PFKFB3: variants seen among roughly 807,000 people sequenced by gnomAD.
The protein encoded by PFKFB3 is 6-phosphofructo-2-kinase/fructose-2,6-biphosphatase 3.
PFKFB3 carries 33 observed loss-of-function variants against 68.0 expected under a neutral mutation model. The ratio of observed to expected loss-of-function variants is 0.49; its 90% CI spans 0.37 to 0.65. The LOEUF (loss-of-function observed/expected upper bound fraction) is 0.65. PFKFB3 is among the 30% of genes least tolerant of loss of function. The pLI, the probability that PFKFB3 is intolerant of heterozygous loss-of-function variation, is 0.00. For synonymous variants in PFKFB3, 315 were observed against 288.2 expected, an observed-to-expected ratio of 1.09 and a Z score of -0.94; for missense variants, 586 against 712.2, an observed-to-expected ratio of 0.82 and a Z score of 2.02.
In PFKFB3 at chr10:6,229,669, TCTC is replaced by T. The variant is rs1348776431; in HGVS notation, c.1516-3223_1516-3221del. On this transcript the variant is annotated intron_variant, in intron 14 of 14. Coordinates refer to ENST00000379775, the MANE Select transcript of PFKFB3 (RefSeq NM_004566.4). This position sits in a 1 kb window ranked among gnomAD's most constrained non-coding sequence, Gnocchi z 4.3. ...CGTGCAGTGCTTCAGGATCTGGGCT[TCTC>T]CTTGTGTGAAACTTTTTGGACTTGG... 1.3e-5 allele frequency among the ~76,000 whole-genome samples: 2 copies of T among 152,150 alleles called. No individual in the cohort carries two copies. The highest frequency in any genetic ancestry group is 2.9e-5 in the Non-Finnish European group (2 of 68,020).
chr10:6,186,456 T>A (rs1016406941), intron 1 of PFKFB3, among the ~76,000 whole-genome samples: 1 of 152,202 alleles, frequency 6.6e-6, no homozygotes, highest in African/African-American at 2.4e-5. Flanking sequence ...TGGTCGCAGG[T>A]ATACCAGTGA....
In PFKFB3 at chr10:6,228,976, C is replaced by G. The variant is rs1475924917; in HGVS notation, c.1515+2611C>G. The G allele has an allele frequency of 2.4e-6, 1 of 425,330 alleles. No homozygotes were observed. The highest frequency in any genetic ancestry group is 7.1e-5 in the East Asian group (1 of 14,036). The allele number at this position is 425,330 out of a possible 1,614,324, so 26.3% of individuals were successfully genotyped here. ...CACTGCTCTGGGATCCCTTCCCCAC[C>G]AGGAGCAGAGGCCTTCCTGCCACAG... On this transcript the variant is annotated intron_variant, in intron 14 of 14. Transcript: ENST00000379775. The surrounding 1 kb of genome is among the most constrained non-coding windows in gnomAD (Gnocchi z 4.5).
At chr10:6,197,921 T>C (rs945845991), upstream of PFKFB3, 2 of 152,212 alleles carry the variant, frequency 1.3e-5, no homozygotes, top group Admixed American at 1.3e-4. Context: ...TTTCCTTTTC[T>C]TTTACTTTTT....
At chr10:6,278,158 C>T in the PFKFB3 span, among the ~76,000 whole-genome samples, 8 of 151,802 alleles carry the variant, frequency 5.3e-5, no homozygotes, top group East Asian at 5.9e-4. Flanking sequence ...CCTTGTGATC[C>T]GCCTGCCTCG....
At chr10:6,175,743 G>A (rs11257080) in intron 1 of PFKFB3, among the ~76,000 whole-genome samples, 37,719 of 152,116 alleles carry the variant, frequency 0.25, 4,848 homozygotes, top group South Asian at 0.34. Flanking sequence ...CAAATGGCCC[G>A]TAAGCATAGA....
At chr10:6,191,130 G>A (rs1843012542) in intron 1 of PFKFB3, among the ~76,000 whole-genome samples, 1 of 152,088 alleles carries the variant, frequency 6.6e-6, no homozygotes, top group Non-Finnish European at 1.5e-5. Context: ...CATGACATAC[G>A]AAATAACAAA....
chr10:6,279,618 TC>T, the PFKFB3 span, among the ~76,000 whole-genome samples: 7 of 152,138 alleles, frequency 4.6e-5, no homozygotes, highest in Admixed American at 6.6e-5. Flanking sequence ...TCTCCGTCTC[TC>T]CGGTGACCTC....
chr10:6,318,602 C>T, the PFKFB3 span, among the ~76,000 whole-genome samples: 1 of 152,186 alleles, frequency 6.6e-6, no homozygotes, highest in African/African-American at 2.4e-5. Context: ...TCATTTTGCG[C>T]TTTTGCCTGA....
At chr10:6,320,514 C>T in the PFKFB3 span, among the ~76,000 whole-genome samples, 6,343 of 151,770 alleles carry the variant, frequency 0.042, 443 homozygotes, top group African/African-American at 0.14. Flanking sequence ...GGCAGTGGCA[C>T]GGTCACGACT....
Position 6,188,946 on chromosome 10 carries a change from T to A in PFKFB3, c.17-24677T>A, listed in dbSNP as rs548905204. Reference sequence around the variant, plus strand: ...GCCTCCCAGGTTCACGCCATTCTCCTGCCTCAGCCTCCCGAGTAGCTGGGA... The same window carrying A: ...GCCTCCCAGGTTCACGCCATTCTCCAGCCTCAGCCTCCCGAGTAGCTGGGA... On this transcript the variant is annotated intron_variant, in intron 1 of 14. Transcript: ENST00000379789. Among the ~76,000 whole-genome samples, 40 of 151,670 alleles carry A rather than the reference T, an allele frequency of 2.6e-4. 2 individuals carry two copies. Among genetic ancestry groups the A allele is most frequent in the African/African-American group, 9.2e-4 (38 of 41,332 alleles).
At chr10:6,190,781 GT>G (rs1320108077) in intron 1 of PFKFB3, among the ~76,000 whole-genome samples, 11 of 152,100 alleles carry the variant, frequency 7.2e-5, no homozygotes, top group African/African-American at 2.2e-4. Context: ...TGTGCCTCAT[GT>G]CTCTATTTAT....
chr10:6,178,960 A>G (rs1282855497), intron 1 of PFKFB3, among the ~76,000 whole-genome samples: 9 of 152,226 alleles, frequency 5.9e-5, no homozygotes. Context: ...GGTCCTCCGC[A>G]GGTGATTTCA....
intron 1 of PFKFB3, among the ~76,000 whole-genome samples, chr10:6,162,348 C>T (rs999269294): frequency 3.3e-5 from 5 of 152,156 alleles, no homozygotes; most frequent in Admixed American, 6.5e-5. Flanking sequence ...GAACATGGGT[C>T]TACAAACATC....
At chr10:6,188,175 C>G (rs372161062) in intron 1 of PFKFB3, among the ~76,000 whole-genome samples, 85 of 152,028 alleles carry the variant, frequency 5.6e-4, no homozygotes, top group Non-Finnish European at 1.0e-3. Context: ...ACATGATGCC[C>G]TTTTGTCCCT....
At chr10:6,145,990 C>T (rs1054607620) in intron 1 of PFKFB3, among the ~76,000 whole-genome samples, 1 of 152,220 alleles carries the variant, frequency 6.6e-6, no homozygotes, top group Non-Finnish European at 1.5e-5. Flanking sequence ...GGAGGGGGGC[C>T]TCGATTTGAC....
intron 1 of PFKFB3, among the ~76,000 whole-genome samples, chr10:6,151,120 G>A (rs2131677885): frequency 6.6e-6 from 1 of 152,300 alleles, no homozygotes; most frequent in East Asian, 1.9e-4. Flanking sequence ...CGGACACAGG[G>A]AGGGAGCCCC....
At chr10:6,305,005 ATTT>A in the PFKFB3 span, among the ~76,000 whole-genome samples, 161 of 14,514 alleles carry the variant, frequency 0.011, no homozygotes, top group Non-Finnish European at 0.018. Flanking sequence ...AATATTAGGA[ATTT>A]TTTTTTTTTT....
chr10:6,221,507 G>A lies in PFKFB3; in HGVS notation c.958G>A (p.Ala320Thr), dbSNP rs753406137. Reference sequence around the variant, plus strand: ...GCGGCTGCCCTACGAGCAGTGGAAGGCGCTCAATGAGATCGACGCGGTGAG... The same window carrying A: ...GCGGCTGCCCTACGAGCAGTGGAAGACGCTCAATGAGATCGACGCGGTGAG... ...ALRLPYEQWK[A>T]LNEIDAGVCE... The change falls in exon 9 of 15, where the codon GCG (alanine) becomes ACG (threonine). Residue 320 changes from alanine to threonine, a missense_variant. Transcript: ENST00000379775. 6.2e-7 allele frequency: 1 copy of A among 1,613,356 alleles called. No homozygotes were observed. The highest frequency in any genetic ancestry group is 8.5e-7 in the Non-Finnish European group (1 of 1,180,000).
chr10:6,181,515 C>T (rs777283638), intron 1 of PFKFB3, among the ~76,000 whole-genome samples: 6 of 152,230 alleles, frequency 3.9e-5, no homozygotes, highest in Middle Eastern at 3.4e-3. Context: ...GTGAAATAAG[C>T]GAGACATAAA....
Sources: allele counts gnomAD v4.1 joint callset (sites outside exome capture counted in the v4.1 genomes callset), GRCh38; gene constraint gnomAD v4.1.1; non-coding constraint Gnocchi (gnomAD v3.1); transcripts MANE v1.5; gene names NCBI Gene and HGNC (gene_info 2026-07-23, HGNC 2026-07-21).